Variants in ZNF280D observed in about 807,000 individuals in gnomAD.
The protein encoded by ZNF280D is zinc finger protein 280D.
ZNF280D carries 39 observed loss-of-function variants against 94.7 expected under a neutral mutation model. The observed-to-expected ratio is 0.41, with a 90% CI of 0.32 to 0.54. The LOEUF is 0.54. Among genes scored for constraint, ZNF280D ranks in the 20% least tolerant of loss-of-function variants. The probability of loss-of-function intolerance (pLI) is 0.22; values close to 1 mark genes in which losing one functional copy is unlikely to be tolerated. For synonymous variants in ZNF280D, 398 were observed against 377.6 expected (o/e 1.05, Z -0.63); for missense variants, 1,090 against 1,149.3 (o/e 0.95, Z 0.75).
chr15:56,694,288 GACACAT>G (rs1181429325), intron 6 of ZNF280D, among the ~76,000 whole-genome samples: 8 of 111,708 alleles, frequency 7.2e-5, no homozygotes, highest in African/African-American at 1.1e-4. Context: ...TAAATATAAT[GACACAT>G]ACACACACAC....
At chr15:56,731,384 T>C (rs972809250) in intron 1 of ZNF280D, among the ~76,000 whole-genome samples, 14 of 151,664 alleles carry the variant, frequency 9.2e-5, no homozygotes, top group Non-Finnish European at 1.8e-4. Context: ...GCTCCTGGGT[T>C]CCCAGCTACT....
chr15:56,669,866 AT>A (rs1488685270), intron 13 of ZNF280D, among the ~76,000 whole-genome samples: 1 of 9,196 alleles, frequency 1.1e-4, no homozygotes, highest in Non-Finnish European at 2.4e-4. Context: ...TTATATATAT[AT>A]ATATTTTATA....
chr15:56,722,463 A>G (rs1280761993), intron 1 of ZNF280D, among the ~76,000 whole-genome samples: 1 of 152,210 alleles, frequency 6.6e-6, no homozygotes, highest in African/African-American at 2.4e-5. Context: ...CCCCTGAAAA[A>G]TTATGTCTAC....
chr15:56,689,574 T>C (rs914233676), intron 7 of ZNF280D, 104 bp from the exon 8 acceptor site: 25 of 723,020 alleles, frequency 3.5e-5, no homozygotes, highest in Non-Finnish European at 5.1e-5. Context: ...TATAATTGAA[T>C]TATCATATCA....
At chr15:56,693,955 G>A (rs1302662763) in intron 6 of ZNF280D, among the ~76,000 whole-genome samples, 4 of 152,006 alleles carry the variant, frequency 2.6e-5, no homozygotes, top group Non-Finnish European at 4.4e-5. Context: ...AAAGCAAACC[G>A]GTCAGTAGAG....
chr15:56,727,647 A>G (rs1485376130), intron 1 of ZNF280D, among the ~76,000 whole-genome samples: 1 of 152,206 alleles, frequency 6.6e-6, no homozygotes, highest in East Asian at 1.9e-4. Flanking sequence ...TACAATTAAG[A>G]ACTCAGACTT....
chr15:56,683,096 G>T (rs2055747034), intron 9 of ZNF280D, among the ~76,000 whole-genome samples: 1 of 151,992 alleles, frequency 6.6e-6, no homozygotes, highest in Non-Finnish European at 1.5e-5. Flanking sequence ...TAAATTACTT[G>T]CTGTTTTTCT....
intron 16 of ZNF280D, among the ~76,000 whole-genome samples, chr15:56,660,096 A>C (rs1235523392): frequency 2.6e-5 from 4 of 152,088 alleles, no homozygotes; most frequent in Non-Finnish European, 4.4e-5. Flanking sequence ...TCACAAAAAC[A>C]AAGTTTTGTT....
At chr15:56,644,223 T>A (rs557990273) in intron 19 of ZNF280D, among the ~76,000 whole-genome samples, 1 of 152,000 alleles carries the variant, frequency 6.6e-6, no homozygotes, top group African/African-American at 2.4e-5. Context: ...GCAGAAAAAA[T>A]TGACAAAAGA....
At chr15:56,637,715 T>A (rs1257492078) in intron 20 of ZNF280D, among the ~76,000 whole-genome samples, 1 of 152,084 alleles carries the variant, frequency 6.6e-6, no homozygotes, top group African/African-American at 2.4e-5. Context: ...ACTCTTGGCA[T>A]AAAAACAGAA....
chr15:56,676,652 A>C lies in ZNF280D; in HGVS notation c.1410+18T>G, dbSNP rs987525453. The C allele has an allele frequency of 6.3e-7, 1 of 1,578,856 alleles. No individual in the cohort carries two copies. The highest frequency in any genetic ancestry group is 1.7e-4 in the Middle Eastern group (1 of 5,826). ...ACTAAGACAACATAATAAACAAATA[A>C]GAACTGGTAAATCTCACCTGATGCT... is the stretch of plus-strand genomic sequence containing the variant. On this transcript the variant is annotated intron_variant, in intron 13 of 21. Transcript: ENST00000267807.
chr15:56,658,514 T>A (rs1286145604), intron 16 of ZNF280D, 28 bp from the exon 17 acceptor site: 4 of 1,486,042 alleles, frequency 2.7e-6, no homozygotes, highest in Non-Finnish European at 3.6e-6. Context: ...ATAGTAAAAA[T>A]TTTATTATAC....
At position 56,646,205 on chromosome 15, in the gene ZNF280D, C is replaced by G. The variant is rs555518191; in HGVS notation, c.2214-3208G>C. On this transcript the variant is annotated intron_variant, in intron 19 of 21. Transcript: ENST00000267807. ...TTGGGAGGCCAAAATGGGAGGATAG[C>G]TTGAGACCAGGAGTTTGAGACCAGC... Among the ~76,000 whole-genome samples the G allele has an allele frequency of 5.3e-5, 8 of 152,276 alleles. No individual in the cohort carries two copies. In the East Asian group the frequency reaches 1.4e-3, roughly 26 times the overall value.
chr15:56,682,688 C>CA (rs140785653), intron 9 of ZNF280D, among the ~76,000 whole-genome samples: 5,538 of 151,928 alleles, frequency 0.036, 347 homozygotes, highest in Admixed American at 0.16. Flanking sequence ...TGTAAAAATT[C>CA]AAAAAGATTT....
At chr15:56,643,109 G>A in intron 19 of ZNF280D, 112 bp from the exon 20 acceptor site, 1 of 639,128 alleles carries the variant, frequency 1.6e-6, no homozygotes, top group Non-Finnish European at 2.4e-6. Flanking sequence ...CGAAACTAAT[G>A]TACATTTTAT....
At chr15:56,648,984 A>T (rs1479369925) in intron 19 of ZNF280D, among the ~76,000 whole-genome samples, 1 of 152,202 alleles carries the variant, frequency 6.6e-6, no homozygotes, top group Non-Finnish European at 1.5e-5. Context: ...TGATTTGGCC[A>T]TCTAAAGCTA....
intron 1 of ZNF280D, among the ~76,000 whole-genome samples, chr15:56,711,929 C>G (rs1567024502): frequency 1.3e-5 from 2 of 152,134 alleles, no homozygotes; most frequent in African/African-American, 2.4e-5. Flanking sequence ...ACCTGTATAG[C>G]ATGTTACTGT....
intron 1 of ZNF280D, among the ~76,000 whole-genome samples, chr15:56,729,572 T>A (rs892459760): frequency 2.6e-5 from 4 of 152,184 alleles, no homozygotes; most frequent in African/African-American, 9.6e-5. Flanking sequence ...ATTCAAAAAG[T>A]GGGTCAGAAA....
At chr15:56,666,136 A>C (rs1335158642) in intron 16 of ZNF280D, among the ~76,000 whole-genome samples, 8 of 152,214 alleles carry the variant, frequency 5.3e-5, no homozygotes, top group Admixed American at 4.6e-4. Flanking sequence ...ATCTCAAAAA[A>C]ATAAAAAAGA....
Sources: allele counts gnomAD v4.1 joint callset (sites outside exome capture counted in the v4.1 genomes callset), GRCh38; gene constraint gnomAD v4.1.1; transcripts MANE v1.5; gene names NCBI Gene and HGNC (gene_info 2026-07-23, HGNC 2026-07-21).